Variants in LAMA2 observed in about 807,000 individuals in gnomAD.
LAMA2 encodes the protein laminin subunit alpha 2.
A neutral mutation model predicts 364.8 loss-of-function variants in LAMA2; 269 were observed. The ratio of observed to expected loss-of-function variants is 0.74; its 90% CI spans 0.67 to 0.82. The LOEUF is 0.82. Among genes scored for constraint, LAMA2 ranks in the 40% least tolerant of loss-of-function variants. LAMA2 has a pLI of 0.00. For missense variants in LAMA2, 3,807 were observed against 3,873.2 expected (o/e 0.98, Z 0.45); for synonymous variants, 1,379 against 1,370.6 (o/e 1.01, Z -0.14).
rs764839142 is a variant in LAMA2, at chr6:129,312,978, TG to T, written c.3294del (p.Trp1098Ter). The stretch of plus-strand genomic sequence containing the variant: ...ATGTACAGAGTGCAGTCGAGGTCAC[TG>T]GAACTACCCTCGCTGCAATCTCTGT... ...AKCTECSRGH[W>X]NYPRCNLCDC... On this transcript the variant is annotated frameshift_variant, in exon 23 of 65. Coordinates refer to ENST00000421865, the MANE Select transcript of LAMA2 (RefSeq NM_000426.4). LOFTEE classifies it high-confidence loss of function. The T allele has an allele frequency of 1.3e-5, 21 of 1,614,196 alleles. No individual in the cohort carries two copies. Among genetic ancestry groups the T allele is most frequent in the Non-Finnish European group, 1.7e-5 (20 of 1,180,012 alleles).
rs942774090 is a variant in LAMA2 at position 129,066,124 on chromosome 6, C to A, written c.396+6228C>A. 3.7e-5 allele frequency among the ~76,000 whole-genome samples: 5 copies of A among 135,288 alleles called. No homozygotes were observed. In the Admixed American group the frequency reaches 3.9e-4, roughly 11 times the overall value. 88.8% of individuals were successfully genotyped at this position (135,288 alleles called of 152,430 possible). On this transcript the variant is annotated intron_variant, in intron 3 of 64. Coordinates refer to ENST00000421865, the MANE Select transcript of LAMA2 (RefSeq NM_000426.4). Reference sequence around the variant, plus strand: ...GCAGTGGCGGGATCTCGGCTCACTGCAAGCTCCGCCTCCCGGGTTCATGCC... The same window carrying A: ...GCAGTGGCGGGATCTCGGCTCACTGAAAGCTCCGCCTCCCGGGTTCATGCC...
intron 18 of LAMA2, among the ~76,000 whole-genome samples, chr6:129,286,688 TTATATAATA>T (rs376311435): frequency 2.1e-4 from 1 of 4,748 alleles, no homozygotes; most frequent in Non-Finnish European, 1.1e-3. Context: ...TATATTATAT[TTATATAATA>T]TATATAATAA....
chr6:129,100,438 T>C (rs1408329473), intron 4 of LAMA2, among the ~76,000 whole-genome samples: 1 of 152,154 alleles, frequency 6.6e-6, no homozygotes, highest in Non-Finnish European at 1.5e-5. Context: ...GACTGAAGAA[T>C]AAGAATTAAA....
intron 55 of LAMA2, among the ~76,000 whole-genome samples, chr6:129,485,478 C>T (rs541514814): frequency 1.3e-4 from 20 of 152,216 alleles, no homozygotes; most frequent in Non-Finnish European, 1.8e-4. Flanking sequence ...TAGTATAAGT[C>T]TGTTAGACAT....
At position 129,007,060 on chromosome 6, in the gene LAMA2, T is replaced by C. The variant is rs1230495855; in HGVS notation, c.113-42858T>C. ...TAGTTACATTATTTATCATACAGTG[T>C]TTCCACTGAAAGTTTAAGTGCCTGT... On this transcript the variant is annotated intron_variant, in intron 1 of 64. Transcript: ENST00000421865. Among the ~76,000 whole-genome samples, 3 of 152,302 alleles carry C rather than the reference T, an allele frequency of 2.0e-5. No homozygotes were observed. The East Asian group carries it at 5.8e-4, about 29-fold the overall frequency.
At chr6:129,474,090 A>G (rs1783950658) in intron 52 of LAMA2, among the ~76,000 whole-genome samples, 3 of 152,076 alleles carry the variant, frequency 2.0e-5, no homozygotes, top group African/African-American at 7.2e-5. Flanking sequence ...TTAAACCGTA[A>G]GAGTTTATTA....
intron 22 of LAMA2, among the ~76,000 whole-genome samples, chr6:129,301,397 G>C (rs192308221): frequency 1.3e-5 from 2 of 152,262 alleles, no homozygotes; most frequent in African/African-American, 4.8e-5. Context: ...CATCAGCAGG[G>C]ATGGTAACAA....
At chr6:129,048,132 T>C (rs1446096193) in intron 1 of LAMA2, among the ~76,000 whole-genome samples, 1 of 152,188 alleles carries the variant, frequency 6.6e-6, no homozygotes, top group Non-Finnish European at 1.5e-5. Flanking sequence ...TGTCTGACAA[T>C]AGTGCTTGGC....
chr6:129,363,506 C>T (rs145367081), intron 32 of LAMA2, among the ~76,000 whole-genome samples: 19 of 152,226 alleles, frequency 1.2e-4, no homozygotes, highest in East Asian at 1.9e-4. Flanking sequence ...TAATGTGGGA[C>T]GCAGATTCTG....
intron 10 of LAMA2, 67 bp from the exon 11 acceptor site, chr6:129,190,138 A>G: frequency 4.1e-6 from 6 of 1,480,058 alleles, no homozygotes; most frequent in African/African-American, 2.8e-5. Flanking sequence ...TTTTCCTTAT[A>G]CAGACATGGA....
chr6:128,908,528 T>A (rs2114444355), intron 1 of LAMA2, among the ~76,000 whole-genome samples: 1 of 146,968 alleles, frequency 6.8e-6, no homozygotes, highest in East Asian at 2.0e-4. Flanking sequence ...TTCTCTCTTT[T>A]TTTCTTTATT....
rs759965497 is a variant in LAMA2, at chr6:129,512,450, G to T, written c.8945G>T (p.Ser2982Ile). The change falls in exon 63 of 65, where the codon AGT becomes ATT. Residue 2982 changes from serine (S) to isoleucine (I), a missense_variant. Physicochemically the swap from Ser to Ile is moderately radical, Grantham distance 142 (BLOSUM62 -2). Transcript: ENST00000421865. The stretch of plus-strand genomic sequence containing the variant: ...ACTGGAGTTCTTCTGGGGATCAGTA[G>T]TCAAAAAATGGATGGAATGGGTATT... ...TTTGVLLGIS[S>I]QKMDGMGIEM... 6.2e-7 allele frequency: 1 copy of T among 1,613,726 alleles called. No individual in the cohort carries two copies. Among genetic ancestry groups the T allele is most frequent in the Admixed American group, 1.7e-5 (1 of 60,000 alleles).
At chr6:128,883,500 A>G in intron 1 of LAMA2, 143 bp downstream of exon 1, 1 of 1,359,632 alleles carries the variant, frequency 7.4e-7, no homozygotes, top group South Asian at 1.3e-5. Flanking sequence ...GAGGAACTTG[A>G]AGCAAGTTCA....
chr6:129,197,561 T>C (rs1378736550), intron 12 of LAMA2, among the ~76,000 whole-genome samples: 2 of 152,232 alleles, frequency 1.3e-5, no homozygotes, highest in Non-Finnish European at 2.9e-5. Flanking sequence ...TGCCTGCAAC[T>C]TTCGTCTCCC....
intron 32 of LAMA2, among the ~76,000 whole-genome samples, chr6:129,364,217 T>C (rs898024719): frequency 6.6e-6 from 1 of 152,300 alleles, no homozygotes; most frequent in Non-Finnish European, 1.5e-5. Flanking sequence ...GCTGCTGTCC[T>C]ATCAAAAAAT....
At chr6:128,900,685 G>A (rs1016152636) in intron 1 of LAMA2, among the ~76,000 whole-genome samples, 2 of 152,210 alleles carry the variant, frequency 1.3e-5, no homozygotes, top group Non-Finnish European at 2.9e-5. Context: ...GATTGTAGGA[G>A]TTTAACAGCT....
chr6:128,966,062 G>C (rs1409143552), intron 1 of LAMA2, among the ~76,000 whole-genome samples: 1 of 142,308 alleles, frequency 7.0e-6, no homozygotes, highest in African/African-American at 2.7e-5. Flanking sequence ...AAGGAATTGA[G>C]ATCCACAGAT....
chr6:128,910,949 G>C (rs1284196611), intron 1 of LAMA2, among the ~76,000 whole-genome samples: 3 of 151,436 alleles, frequency 2.0e-5, no homozygotes, highest in Non-Finnish European at 4.4e-5. Flanking sequence ...TAGGCTGCTC[G>C]GGGGTCAGGG....
intron 29 of LAMA2, among the ~76,000 whole-genome samples, chr6:129,335,360 A>ATAGG (rs140715995): frequency 1.1e-5 from 1 of 92,328 alleles, no homozygotes; most frequent in African/African-American, 3.6e-5. Context: ...AAGTAGGTAG[A>ATAGG]TAGATAGATA....
Sources: allele counts gnomAD v4.1 joint callset (sites outside exome capture counted in the v4.1 genomes callset), GRCh38; gene constraint gnomAD v4.1.1; transcripts MANE v1.5; gene names NCBI Gene and HGNC (gene_info 2026-07-23, HGNC 2026-07-21).